TPCN1: variants seen among roughly 807,000 people sequenced by gnomAD.
TPCN1 encodes two pore segment channel 1.
Under a neutral mutation model 108.8 loss-of-function variants are expected in TPCN1, and 52 were observed. The observed-to-expected ratio is 0.48, with a 90% CI of 0.38 to 0.60. TPCN1 has a LOEUF of 0.60. Among genes scored for constraint, TPCN1 ranks in the 20% least tolerant of loss-of-function variants. The pLI, the probability that TPCN1 is intolerant of heterozygous loss-of-function variation, is 0.00. For missense variants in TPCN1, 806 were observed against 1,072.8 expected, an observed-to-expected ratio of 0.75 and a Z score of 3.47; for synonymous variants, 446 against 433.7, an observed-to-expected ratio of 1.03 and a Z score of -0.35.
In TPCN1 at chr12:113,289,090, G is replaced by T. The variant is rs1419118046; in HGVS notation, c.1796+243G>T. 1.3e-5 allele frequency among the ~76,000 whole-genome samples: 2 copies of T among 152,268 alleles called. No individual in the cohort carries two copies. Among genetic ancestry groups the T allele is most frequent in the Non-Finnish European group, 2.9e-5 (2 of 68,044 alleles). On this transcript the variant is annotated intron_variant, in intron 21 of 27. Coordinates refer to ENST00000335509, the MANE Select transcript of TPCN1 (RefSeq NM_017901.6). The surrounding 1 kb of genome is among the most constrained non-coding windows in gnomAD (Gnocchi z 4.1). The stretch of plus-strand genomic sequence containing the variant: ...GCTGTCAGCTCACCCTCTGCCGAGG[G>T]CTGGAGGCCACCCCCACAGTAGCCT...
At chr12:113,240,740 G>T (rs1223378426) in intron 2 of TPCN1, among the ~76,000 whole-genome samples, 2 of 149,290 alleles carry the variant, frequency 1.3e-5, no homozygotes, top group African/African-American at 4.9e-5. Flanking sequence ...TCCATCTCCT[G>T]CCCATTCTTT....
intron 2 of TPCN1, among the ~76,000 whole-genome samples, chr12:113,233,063 G>A (rs1953747855): frequency 6.6e-6 from 1 of 152,206 alleles, no homozygotes; most frequent in African/African-American, 2.4e-5. Context: ...CAATTAAAAT[G>A]AGTAAGCATC....
intron 7 of TPCN1, among the ~76,000 whole-genome samples, chr12:113,270,934 C>A (rs1955474072): frequency 6.6e-6 from 1 of 152,106 alleles, no homozygotes; most frequent in South Asian, 2.1e-4. Flanking sequence ...ACATTCAGAC[C>A]AGAGCAGGTA....
At chr12:113,287,215 T>C in intron 19 of TPCN1, 121 bp downstream of exon 19, 1 of 797,054 alleles carries the variant, frequency 1.3e-6, no homozygotes, top group Non-Finnish European at 2.1e-6. Context: ...GTCACAGATG[T>C]CACCCCCTGG....
rs140581092 is a variant in TPCN1, at chr12:113,277,333, G to T, written c.1153G>T (p.Ala385Ser). The change falls in exon 12 of 28, where the codon GCC (alanine) becomes TCC (serine). Residue 385 changes from alanine (A) to serine (S), a missense_variant. Coordinates refer to ENST00000335509, the MANE Select transcript of TPCN1 (RefSeq NM_017901.6). ...CAGGGAGCGCTATCTTACCTTCAAG[G>T]CCCTGAATCAGAACAACACACCCCT... ...SARERYLTFK[A>S]LNQNNTPLLS... 1,405 of 1,614,034 alleles carry T rather than the reference G, an allele frequency of 8.7e-4. 1 individual carries two copies. The highest frequency in any genetic ancestry group is 1.1e-3 in the Non-Finnish European group (1,247 of 1,180,036).
At position 113,268,569 on chromosome 12, in the gene TPCN1, GT is replaced by G. The variant is rs1276138599; in HGVS notation, c.529-165del. Among the ~76,000 whole-genome samples, 4 of 152,110 alleles carry G rather than the reference GT, an allele frequency of 2.6e-5. No individual in the cohort carries two copies. In the East Asian group the frequency reaches 7.7e-4, roughly 29 times the overall value. On this transcript the variant is annotated intron_variant, in intron 5 of 27. Transcript: ENST00000335509. This position sits in a 1 kb window ranked among gnomAD's most constrained non-coding sequence, Gnocchi z 7.3. Reference sequence around the variant, plus strand: ...CCACACACCTGTGCCAGCACCTGGAGTTTTTTTTCTTCTGGGGCTGCCTGAT... The same window carrying G: ...CCACACACCTGTGCCAGCACCTGGAGTTTTTTTCTTCTGGGGCTGCCTGAT...
At chr12:113,229,655 A>T (rs1447825039) in intron 2 of TPCN1, among the ~76,000 whole-genome samples, 1 of 151,960 alleles carries the variant, frequency 6.6e-6, no homozygotes, top group African/African-American at 2.4e-5. Context: ...CACCCAGCTA[A>T]TTTTTTTGTA....
At chr12:113,259,947 G>A (rs1268768557) in intron 2 of TPCN1, among the ~76,000 whole-genome samples, 1 of 152,186 alleles carries the variant, frequency 6.6e-6, no homozygotes. Context: ...TAACTAAGTA[G>A]GATATTAATA....
intron 2 of TPCN1, among the ~76,000 whole-genome samples, chr12:113,253,049 T>C (rs1036029523): frequency 3.3e-5 from 5 of 152,192 alleles, no homozygotes; most frequent in Non-Finnish European, 5.9e-5. Flanking sequence ...GAGAGGCAAG[T>C]AGTCTACCGA....
rs1955699054 is a variant in TPCN1, at chr12:113,277,048, G to C, written c.1059+13G>C. The stretch of plus-strand genomic sequence containing the variant: ...CATCAGCCAGAGGGTAGGAACTATG[G>C]GCCAGGGAGGGGCTTGGTCCCTGTC... On this transcript the variant is annotated intron_variant, in intron 11 of 27. Transcript: ENST00000335509. The C allele has an allele frequency of 1.2e-6, 2 of 1,609,970 alleles. No homozygotes were observed. Among genetic ancestry groups the C allele is most frequent in the Non-Finnish European group, 1.7e-6 (2 of 1,176,790 alleles).
chr12:113,283,418 T>G (rs1171870885), intron 15 of TPCN1, among the ~76,000 whole-genome samples: 3 of 152,016 alleles, frequency 2.0e-5, no homozygotes, highest in Admixed American at 6.6e-5. Context: ...GTGGATTGCT[T>G]GAGCCCAGGG....
In TPCN1 at chr12:113,288,127, C is replaced by T; in HGVS notation, c.1635-36C>T. On this transcript the variant is annotated intron_variant, in intron 19 of 27. Transcript: ENST00000335509. The surrounding 1 kb of genome is among the most constrained non-coding windows in gnomAD (Gnocchi z 4.8). The stretch of plus-strand genomic sequence containing the variant: ...TGAGGGCGGGGGCTGAGGCGTGCAC[C>T]TGTGTGTGGAGGTGACGGGTGTCCT... 2 of 1,591,076 alleles carry T rather than the reference C, an allele frequency of 1.3e-6. No homozygotes were observed. Among genetic ancestry groups the T allele is most frequent in the Non-Finnish European group, 1.7e-6 (2 of 1,163,208 alleles).
chr12:113,289,982 G>A lies in TPCN1; in HGVS notation c.1797-146G>A. ...CCTTCAGCAGGGACCCAGGCATGAG[G>A]TGGAGAGGGTTAGGCAGGAAACCAG... On this transcript the variant is annotated intron_variant, in intron 21 of 27. Transcript: ENST00000335509. This position sits in a 1 kb window ranked among gnomAD's most constrained non-coding sequence, Gnocchi z 4.1. 3 of 595,638 alleles carry A rather than the reference G, an allele frequency of 5.0e-6. No individual in the cohort carries two copies. The highest frequency in any genetic ancestry group is 9.0e-6 in the Non-Finnish European group (3 of 334,648). The allele number at this position is 595,638 out of a possible 1,614,324, so 36.9% of individuals were successfully genotyped here.
At chr12:113,292,156 C>A (rs1451703508) in intron 25 of TPCN1, 198 bp downstream of exon 25, 1 of 578,742 alleles carries the variant, frequency 1.7e-6, no homozygotes, top group Non-Finnish European at 3.1e-6. Flanking sequence ...AAAACGTAAT[C>A]TAACTTTAAA....
chr12:113,223,453 G>T (rs73192811), intron 1 of TPCN1, among the ~76,000 whole-genome samples: 7,596 of 102,018 alleles, frequency 0.074, 191 homozygotes, highest in East Asian at 0.079. Context: ...TTTTTTTTTT[G>T]GTTCTTCTCA....
intron 2 of TPCN1, 100 bp downstream of exon 2, chr12:113,227,064 G>T: frequency 1.0e-6 from 1 of 986,912 alleles, no homozygotes; most frequent in Non-Finnish European, 1.5e-6. Flanking sequence ...TGTGTAACTT[G>T]TTGCCTGGCC....
In TPCN1 at chr12:113,286,445, C is replaced by G. The variant is rs567627820; in HGVS notation, c.1526+484C>G. The stretch of plus-strand genomic sequence containing the variant: ...GGCCGCGAGGGTGAGCGGGTTAACA[C>G]GCAGAGCGGAGTTGGGAGGAGCCGA... On this transcript the variant is annotated intron_variant, in intron 18 of 27. Coordinates refer to ENST00000335509, the MANE Select transcript of TPCN1 (RefSeq NM_017901.6). Among the ~76,000 whole-genome samples, 94 of 152,186 alleles carry G rather than the reference C, an allele frequency of 6.2e-4. 2 individuals carry two copies. Among genetic ancestry groups the G allele is most frequent in the Non-Finnish European group, 1.1e-3 (74 of 68,028 alleles).
At chr12:113,276,708 G>A (rs527336037) in intron 10 of TPCN1, among the ~76,000 whole-genome samples, 2 of 152,174 alleles carry the variant, frequency 1.3e-5, no homozygotes, top group African/African-American at 4.8e-5. Context: ...TCTGAAGAGG[G>A]AAATTTACAA....
intron 10 of TPCN1, 56 bp from the exon 11 acceptor site, chr12:113,276,860 CACT>C: frequency 8.5e-7 from 1 of 1,169,896 alleles, no homozygotes; most frequent in South Asian, 1.2e-5. Flanking sequence ...TACCCCCCTG[CACT>C]CCCTGCCCTA....
Sources: allele counts gnomAD v4.1 joint callset (sites outside exome capture counted in the v4.1 genomes callset), GRCh38; gene constraint gnomAD v4.1.1; non-coding constraint Gnocchi (gnomAD v3.1); transcripts MANE v1.5; gene names NCBI Gene and HGNC (gene_info 2026-07-23, HGNC 2026-07-21).